ALDH1A2: variants seen among roughly 807,000 people sequenced by gnomAD.
The protein encoded by ALDH1A2 is retinal dehydrogenase 2.
In ALDH1A2, 27 loss-of-function variants were observed where a neutral mutation model predicts 60.3. The observed-to-expected ratio is 0.45, with a 90% CI of 0.33 to 0.62. The LOEUF is 0.62. Among genes scored for constraint, ALDH1A2 ranks in the 20% least tolerant of loss-of-function variants. The pLI is 0.02. For synonymous variants in ALDH1A2, 289 were observed against 232.4 expected (o/e 1.24, Z -2.21); for missense variants, 581 against 643.8 (o/e 0.90, Z 1.06).
At chr15:58,028,652 C>A (rs1896144294) in intron 1 of ALDH1A2, among the ~76,000 whole-genome samples, 1 of 152,154 alleles carries the variant, frequency 6.6e-6, no homozygotes, top group African/African-American at 2.4e-5. Context: ...ATTCAAGATA[C>A]TGATCTCAAC....
chr15:57,993,846 C>T (rs2140492452), intron 5 of ALDH1A2, among the ~76,000 whole-genome samples: 1 of 152,346 alleles, frequency 6.6e-6, no homozygotes, highest in South Asian at 2.1e-4. Flanking sequence ...CAGCCCTTGA[C>T]CACAATGTGT....
intron 2 of ALDH1A2, 86 bp from the exon 3 acceptor site, chr15:58,014,084 A>G: frequency 6.2e-7 from 1 of 1,613,958 alleles, no homozygotes; most frequent in Non-Finnish European, 8.5e-7. Flanking sequence ...GTGAAGCATG[A>G]GCATGTAGTG....
intron 1 of ALDH1A2, among the ~76,000 whole-genome samples, chr15:58,017,875 G>A (rs1241111771): frequency 6.6e-6 from 1 of 151,800 alleles, no homozygotes; most frequent in African/African-American, 2.4e-5. Flanking sequence ...TATTTTTCCT[G>A]GTGTGCCAAA....
At chr15:58,038,436 C>T (rs1439298122) in intron 1 of ALDH1A2, 1 of 151,726 alleles carries the variant, frequency 6.6e-6, no homozygotes, top group East Asian at 1.9e-4. Flanking sequence ...AAATAAATGG[C>T]TCCCATGAGT....
At chr15:58,013,761 A>G (rs1231260259) in intron 3 of ALDH1A2, 97 bp downstream of exon 3, 8 of 1,490,784 alleles carry the variant, frequency 5.4e-6, no homozygotes, top group Non-Finnish European at 6.3e-6. Flanking sequence ...CAAAAAATAA[A>G]ATAAATAAAA....
chr15:58,049,692 C>G (rs1217258690), intron 1 of ALDH1A2, among the ~76,000 whole-genome samples: 1 of 152,062 alleles, frequency 6.6e-6, no homozygotes, highest in African/African-American at 2.4e-5. Context: ...CTACCCACTT[C>G]TGACACTGCC....
intron 4 of ALDH1A2, among the ~76,000 whole-genome samples, chr15:58,005,712 AC>A (rs1422559244): frequency 6.6e-6 from 1 of 151,862 alleles, no homozygotes; most frequent in East Asian, 1.9e-4. Context: ...ACAACAAAAA[AC>A]CCTATTTCAG....
At chr15:58,044,605 G>A (rs1243502122) in intron 1 of ALDH1A2, among the ~76,000 whole-genome samples, 2 of 151,948 alleles carry the variant, frequency 1.3e-5, no homozygotes, top group African/African-American at 4.8e-5. Flanking sequence ...TGAGGTCCTG[G>A]GACACTGTCT....
At chr15:58,049,947 A>T (rs1487640752) in intron 1 of ALDH1A2, among the ~76,000 whole-genome samples, 1 of 152,006 alleles carries the variant, frequency 6.6e-6, no homozygotes, top group Non-Finnish European at 1.5e-5. Context: ...CTCAGAATTC[A>T]GCCTGTTCAT....
At chr15:58,065,351 G>A (rs946694886) in intron 1 of ALDH1A2, 183 bp downstream of exon 1, 5 of 682,706 alleles carry the variant, frequency 7.3e-6, no homozygotes, top group African/African-American at 3.6e-5. Flanking sequence ...CTCAGACCAC[G>A]GCGGGGCTTC....
intron 1 of ALDH1A2, among the ~76,000 whole-genome samples, chr15:58,059,251 G>C (rs185213179): frequency 4.6e-5 from 7 of 152,236 alleles, no homozygotes; most frequent in East Asian, 1.9e-4. Context: ...TCACCTCTAC[G>C]TGAATTAGAT....
At chr15:57,967,691 G>A (rs1893940534) in intron 7 of ALDH1A2, among the ~76,000 whole-genome samples, 1 of 152,212 alleles carries the variant, frequency 6.6e-6, no homozygotes, top group African/African-American at 2.4e-5. Context: ...AGAGTTTCTT[G>A]ATTTGCTGAA....
chr15:58,031,923 C>T (rs1383225657), intron 1 of ALDH1A2, among the ~76,000 whole-genome samples: 1 of 152,134 alleles, frequency 6.6e-6, no homozygotes, highest in Non-Finnish European at 1.5e-5. Context: ...TAAACTAGTT[C>T]AACCATTGTG....
intron 1 of ALDH1A2, among the ~76,000 whole-genome samples, chr15:58,047,153 G>C (rs1441586177): frequency 6.6e-6 from 1 of 152,040 alleles, no homozygotes; most frequent in Non-Finnish European, 1.5e-5. Context: ...AGCAGGTATT[G>C]ATAGGAGTTA....
chr15:58,065,433 C>T, intron 1 of ALDH1A2, 101 bp downstream of exon 1: 1 of 1,063,856 alleles, frequency 9.4e-7, no homozygotes, highest in Non-Finnish European at 1.5e-6. Context: ...CCCCGACGAC[C>T]CCGGCCCCGT....
intron 1 of ALDH1A2, among the ~76,000 whole-genome samples, chr15:58,057,263 CATGG>C (rs1213770241): frequency 1.3e-5 from 2 of 151,970 alleles, no homozygotes; most frequent in Non-Finnish European, 2.9e-5. Context: ...CATCCAACAA[CATGG>C]ATGAATACTG....
intron 9 of ALDH1A2, 23 bp from the exon 10 acceptor site, chr15:57,962,199 A>C: frequency 6.2e-7 from 1 of 1,609,664 alleles, no homozygotes; most frequent in Non-Finnish European, 8.5e-7. Context: ...AGACTTAATG[A>C]CTCCAAATAT....
intron 5 of ALDH1A2, among the ~76,000 whole-genome samples, chr15:57,994,848 T>G (rs915435622): frequency 6.6e-6 from 1 of 152,162 alleles, no homozygotes; most frequent in Non-Finnish European, 1.5e-5. Flanking sequence ...ATTTTAATCA[T>G]GAGAATTCCA....
At chr15:58,056,762 C>G (rs1881049986) in intron 1 of ALDH1A2, among the ~76,000 whole-genome samples, 1 of 151,906 alleles carries the variant, frequency 6.6e-6, no homozygotes, top group Non-Finnish European at 1.5e-5. Flanking sequence ...GGAGGAAAAC[C>G]AAACGGCCAA....
Sources: allele counts gnomAD v4.1 joint callset (sites outside exome capture counted in the v4.1 genomes callset), GRCh38; gene constraint gnomAD v4.1.1; transcripts MANE v1.5; gene names NCBI Gene and HGNC (gene_info 2026-07-23, HGNC 2026-07-21).